Variants in PIP5K1B observed in about 807,000 individuals in gnomAD.
PIP5K1B encodes the protein phosphatidylinositol-4-phosphate 5-kinase type 1 beta.
In PIP5K1B, 42 loss-of-function variants were observed where a neutral mutation model predicts 67.0. The ratio of observed to expected loss-of-function variants is 0.63; its 90% CI spans 0.49 to 0.81. The LOEUF is 0.81. Ranked by LOEUF, PIP5K1B falls within the 30% of genes least tolerant of loss-of-function variation. PIP5K1B has a pLI of 0.00. For synonymous variants in PIP5K1B, 214 were observed against 231.4 expected (o/e 0.92, Z 0.68); for missense variants, 459 against 646.3 (o/e 0.71, Z 3.14).
At chr9:68,875,860 A>G (rs1823866869) in intron 5 of PIP5K1B, among the ~76,000 whole-genome samples, 1 of 152,216 alleles carries the variant, frequency 6.6e-6, no homozygotes, top group South Asian at 2.1e-4. Context: ...TGTATTAGGT[A>G]ATATTGTATG....
chr9:68,964,132 G>A (rs566856957), intron 14 of PIP5K1B: 1 of 152,250 alleles, frequency 6.6e-6, no homozygotes, highest in South Asian at 2.1e-4. Context: ...TTGCCAGTAA[G>A]TCATCATTCT....
intron 4 of PIP5K1B, among the ~76,000 whole-genome samples, chr9:68,828,077 C>G (rs1412990536): frequency 6.6e-6 from 1 of 152,286 alleles, no homozygotes; most frequent in East Asian, 1.9e-4. Flanking sequence ...GTCATTTGTC[C>G]GTTGGACTGG....
chr9:68,978,315 C>G (rs1360822039), intron 14 of PIP5K1B, among the ~76,000 whole-genome samples: 1 of 152,230 alleles, frequency 6.6e-6, no homozygotes, highest in African/African-American at 2.4e-5. Flanking sequence ...TCATTCTAGT[C>G]TCTGCTTTTA....
chr9:68,856,231 T>C (rs1822774509), intron 4 of PIP5K1B, among the ~76,000 whole-genome samples: 2 of 152,212 alleles, frequency 1.3e-5, no homozygotes, highest in African/African-American at 4.8e-5. Context: ...TCATATGATT[T>C]GCTTTCAGGT....
intron 4 of PIP5K1B, among the ~76,000 whole-genome samples, chr9:68,835,672 T>C (rs1479141297): frequency 6.6e-6 from 1 of 152,162 alleles, no homozygotes; most frequent in Non-Finnish European, 1.5e-5. Context: ...TTCAAACCCA[T>C]TCCAATTGCA....
chr9:68,929,064 G>C (rs1826855276), intron 12 of PIP5K1B, among the ~76,000 whole-genome samples: 1 of 151,604 alleles, frequency 6.6e-6, no homozygotes, highest in Admixed American at 6.6e-5. Context: ...TTGGGAGGCT[G>C]AGGCAGGAGA....
intron 4 of PIP5K1B, among the ~76,000 whole-genome samples, chr9:68,853,910 T>G (rs1822625250): frequency 6.6e-6 from 1 of 152,126 alleles, no homozygotes; most frequent in Non-Finnish European, 1.5e-5. Context: ...CTCCTCCCTC[T>G]AGCAACCAGT....
At chr9:68,973,392 A>G (rs1829487481) in intron 14 of PIP5K1B, among the ~76,000 whole-genome samples, 1 of 152,244 alleles carries the variant, frequency 6.6e-6, no homozygotes. Flanking sequence ...TAGGATTTAG[A>G]TATACCTATG....
At chr9:68,937,140 G>C (rs1827303870) in intron 13 of PIP5K1B, among the ~76,000 whole-genome samples, 1 of 152,160 alleles carries the variant, frequency 6.6e-6, no homozygotes, top group South Asian at 2.1e-4. Context: ...GAGTTAGGGA[G>C]GATTCCCCCT....
chr9:68,978,113 T>TATCA (rs1829717714), intron 14 of PIP5K1B, among the ~76,000 whole-genome samples: 1 of 152,222 alleles, frequency 6.6e-6, no homozygotes, highest in South Asian at 2.1e-4. Context: ...TTAACATATC[T>TATCA]ATCACCTCAC....
At chr9:68,968,186 G>A (rs1039674187) in intron 14 of PIP5K1B, among the ~76,000 whole-genome samples, 17 of 152,114 alleles carry the variant, frequency 1.1e-4, no homozygotes, top group Admixed American at 2.6e-4. Context: ...CCATAGAATC[G>A]TTTTGATGTT....
chr9:68,771,467 A>G (rs1830667388), intron 2 of PIP5K1B, among the ~76,000 whole-genome samples: 1 of 152,178 alleles, frequency 6.6e-6, no homozygotes, highest in Non-Finnish European at 1.5e-5. Context: ...ATGTGTGTCA[A>G]TAGGGAGTGA....
chr9:69,008,564 A>AACCT lies in PIP5K1B; in HGVS notation c.*115_*116insACCT. On this transcript the variant is annotated 3_prime_UTR_variant, in exon 16 of 16. Coordinates refer to ENST00000265382, the MANE Select transcript of PIP5K1B (RefSeq NM_003558.4). ...CTTGGCTGAGCCCCACTACACACAG[A>AACCT]GAAATCATCAACCTGACTTAAGAGT... 1.0e-6 allele frequency: 1 copy of AACCT among 983,090 alleles called. No individual in the cohort carries two copies. Among genetic ancestry groups the AACCT allele is most frequent in the South Asian group, 1.3e-5 (1 of 77,348 alleles). The allele number at this position is 983,090 out of a possible 1,614,324, so 60.9% of individuals were successfully genotyped here. A position where few individuals can be genotyped will look rare whatever the true frequency, so the allele number is the denominator to read the frequency against.
At chr9:68,840,251 C>A (rs1052651375) in intron 4 of PIP5K1B, among the ~76,000 whole-genome samples, 1 of 152,098 alleles carries the variant, frequency 6.6e-6, no homozygotes. Context: ...GTGGCGCATG[C>A]CTGTAATCCC....
At chr9:68,748,625 T>G (rs1829451299) in intron 2 of PIP5K1B, among the ~76,000 whole-genome samples, 1 of 103,536 alleles carries the variant, frequency 9.7e-6, no homozygotes, top group Admixed American at 1.1e-4. Flanking sequence ...TTTTTTTTTT[T>G]TTTTTTTTTG....
At chr9:68,760,705 T>A (rs1830146723) in intron 2 of PIP5K1B, among the ~76,000 whole-genome samples, 1 of 152,046 alleles carries the variant, frequency 6.6e-6, no homozygotes, top group African/African-American at 2.4e-5. Context: ...GCTCCTTGAG[T>A]CCAAAAAACC....
rs146569785 is a variant in PIP5K1B at position 68,754,478 on chromosome 9, A to C, written c.-86+11821A>C. 1.1e-4 allele frequency among the ~76,000 whole-genome samples: 17 copies of C among 152,100 alleles called. No homozygotes were observed. In the East Asian group the frequency reaches 3.3e-3, roughly 29 times the overall value. The stretch of plus-strand genomic sequence containing the variant: ...GCCACCACGCCCGGCCGGTTCCATG[A>C]TTTTTTAATGTTAGTTCTGTACACC... On this transcript the variant is annotated intron_variant, in intron 2 of 15. Coordinates refer to ENST00000265382, the MANE Select transcript of PIP5K1B (RefSeq NM_003558.4).
At chr9:68,848,543 G>A (rs1822315693) in intron 4 of PIP5K1B, among the ~76,000 whole-genome samples, 1 of 152,148 alleles carries the variant, frequency 6.6e-6, no homozygotes, top group Non-Finnish European at 1.5e-5. Context: ...ATTTAATTGT[G>A]AATATGGGTG....
intron 15 of PIP5K1B, among the ~76,000 whole-genome samples, chr9:68,991,489 AC>A (rs1242542675): frequency 6.6e-6 from 1 of 152,242 alleles, no homozygotes; most frequent in Admixed American, 6.5e-5. Context: ...TAACAAGAGA[AC>A]GAATCCTCTA....
Sources: gnomAD v4.1 joint callset for allele counts (sites outside exome capture counted in the v4.1 genomes callset) on GRCh38, gnomAD v4.1.1 for gene constraint, MANE v1.5 for transcripts, NCBI Gene and HGNC (gene_info 2026-07-23, HGNC 2026-07-21) for gene names.